Variants in LRP1B observed in about 807,000 individuals in gnomAD.
LRP1B encodes the protein LDL receptor related protein 1B.
A neutral mutation model predicts 556.6 loss-of-function variants in LRP1B; 217 were observed. The observed-to-expected ratio is 0.39, with a 90% CI of 0.35 to 0.44. The LOEUF (loss-of-function observed/expected upper bound fraction) is 0.44, where lower values mean the gene tolerates loss of function less well. Among genes scored for constraint, LRP1B ranks in the 20% least tolerant of loss-of-function variants. The pLI is 1.00. For synonymous variants in LRP1B, 2,047 were observed against 1,865.8 expected (o/e 1.10, Z -2.50); for missense variants, 5,053 against 5,620.8 (o/e 0.90, Z 3.23).
chr2:140,771,126 T>C (rs1475655305), intron 33 of LRP1B, 120 bp from the exon 34 acceptor site: 1 of 640,920 alleles, frequency 1.6e-6, no homozygotes, highest in Non-Finnish European at 2.6e-6. Flanking sequence ...AGCTGTTTCA[T>C]ACTGGTTAAA....
At chr2:140,333,787 G>A (rs1680937376) in intron 79 of LRP1B, among the ~76,000 whole-genome samples, 1 of 151,928 alleles carries the variant, frequency 6.6e-6, no homozygotes, top group African/African-American at 2.4e-5. Context: ...GTACAAGATG[G>A]GAAAGATATA....
chr2:141,102,675 A>C (rs1213636416), intron 7 of LRP1B, among the ~76,000 whole-genome samples: 1 of 152,132 alleles, frequency 6.6e-6, no homozygotes, highest in Non-Finnish European at 1.5e-5. Context: ...AGATAGAAAA[A>C]AAAGGTACAA....
In LRP1B at chr2:140,702,493, G is replaced by A. The variant is rs1443410632; in HGVS notation, c.6084C>T (p.Gly2028=). 6.2e-7 allele frequency: 1 copy of A among 1,613,498 alleles called. No individual in the cohort carries two copies. Among genetic ancestry groups the A allele is most frequent in the Non-Finnish European group, 8.5e-7 (1 of 1,179,672 alleles). The part of the protein sequence containing the change: ...MPCIGKARLD[G]SEKVVLVSMG... Reference sequence around the variant, plus strand: ...TGCTTACAAGGACAACCTTCTCTGAGCCATCCAAGCGAGCCTTTCCAATAC... The same window carrying A: ...TGCTTACAAGGACAACCTTCTCTGAACCATCCAAGCGAGCCTTTCCAATAC... Residue 2028 remains glycine (G), a synonymous_variant, in exon 38 of 91, where the codon GGC becomes GGT. Coordinates refer to ENST00000389484, the MANE Select transcript of LRP1B (RefSeq NM_018557.3).
At chr2:141,079,227 G>T (rs1699866458) in intron 7 of LRP1B, among the ~76,000 whole-genome samples, 1 of 152,102 alleles carries the variant, frequency 6.6e-6, no homozygotes, top group South Asian at 2.1e-4. Context: ...CAGTTAGAAG[G>T]TAAGAGCTCC....
intron 66 of LRP1B, among the ~76,000 whole-genome samples, chr2:140,410,239 C>A (rs1435564290): frequency 6.6e-6 from 1 of 152,018 alleles, no homozygotes; most frequent in African/African-American, 2.4e-5. Context: ...CAGCACAGAA[C>A]ATGTCCCTTA....
At chr2:141,423,825 TAAA>T (rs34237592) in intron 3 of LRP1B, among the ~76,000 whole-genome samples, 4 of 149,572 alleles carry the variant, frequency 2.7e-5, no homozygotes, top group South Asian at 2.1e-4. Context: ...CCCTGTCTAT[TAAA>T]AAAAAAAACC....
intron 18 of LRP1B, among the ~76,000 whole-genome samples, chr2:140,978,170 A>G (rs1696661796): frequency 6.6e-6 from 1 of 152,158 alleles, no homozygotes; most frequent in Admixed American, 6.6e-5. Context: ...CCCACATATA[A>G]TCTCAACCTA....
At chr2:140,767,966 A>G (rs1689174471) in intron 35 of LRP1B, among the ~76,000 whole-genome samples, 1 of 151,952 alleles carries the variant, frequency 6.6e-6, no homozygotes, top group Non-Finnish European at 1.5e-5. Context: ...CATAAGAGAC[A>G]AGGTAGATTA....
intron 3 of LRP1B, among the ~76,000 whole-genome samples, chr2:141,372,379 A>G (rs748968445): frequency 6.6e-6 from 1 of 152,082 alleles, no homozygotes; most frequent in Non-Finnish European, 1.5e-5. Context: ...GTTTCATATC[A>G]GGGTGATACT....
At chr2:141,448,040 G>A (rs913230432) in intron 3 of LRP1B, among the ~76,000 whole-genome samples, 2 of 152,222 alleles carry the variant, frequency 1.3e-5, no homozygotes, top group Non-Finnish European at 2.9e-5. Flanking sequence ...AAGGTGCTCT[G>A]TCCCAGGGAG....
intron 7 of LRP1B, among the ~76,000 whole-genome samples, chr2:141,094,990 G>A (rs1700261807): frequency 6.6e-6 from 1 of 152,152 alleles, no homozygotes; most frequent in Non-Finnish European, 1.5e-5. Flanking sequence ...AGTGAGAGGT[G>A]ACTAGGCCAA....
intron 41 of LRP1B, among the ~76,000 whole-genome samples, chr2:140,679,883 A>T (rs550562038): frequency 1.3e-5 from 2 of 152,084 alleles, no homozygotes; most frequent in African/African-American, 4.8e-5. Context: ...ACAAATTGGT[A>T]AACTTTTTAT....
At chr2:140,722,736 A>G (rs887419300) in intron 35 of LRP1B, among the ~76,000 whole-genome samples, 4 of 152,234 alleles carry the variant, frequency 2.6e-5, no homozygotes, top group African/African-American at 7.2e-5. Context: ...TAAAAGCAAG[A>G]TAAACTATTA....
chr2:141,419,133 A>G (rs763378446), intron 3 of LRP1B, among the ~76,000 whole-genome samples: 1 of 152,012 alleles, frequency 6.6e-6, no homozygotes, highest in Non-Finnish European at 1.5e-5. Context: ...GACTTTCAGT[A>G]CTGTATTTAA....
chr2:141,004,157 T>C (rs146887577), intron 15 of LRP1B, among the ~76,000 whole-genome samples: 1 of 152,182 alleles, frequency 6.6e-6, no homozygotes, highest in African/African-American at 2.4e-5. Context: ...ATACACGAAA[T>C]GTTTATTCAG....
intron 3 of LRP1B, among the ~76,000 whole-genome samples, chr2:141,342,348 T>C (rs1224729950): frequency 1.3e-5 from 2 of 151,802 alleles, no homozygotes; most frequent in African/African-American, 2.4e-5. Flanking sequence ...ACAATGGATG[T>C]CTGAATTTTC....
At chr2:140,948,941 C>T (rs1695623865) in intron 20 of LRP1B, among the ~76,000 whole-genome samples, 1 of 152,174 alleles carries the variant, frequency 6.6e-6, no homozygotes, top group Admixed American at 6.5e-5. Context: ...TAAGAAGTTA[C>T]AGTTTAAAGA....
intron 1 of LRP1B, among the ~76,000 whole-genome samples, chr2:141,817,514 AGTTT>A (rs1266382451): frequency 1.3e-5 from 2 of 152,186 alleles, no homozygotes; most frequent in African/African-American, 4.8e-5. Flanking sequence ...TATTTTTGAA[AGTTT>A]GATATAGCCA....
chr2:142,016,996 G>GTA (rs942286754), intron 1 of LRP1B, among the ~76,000 whole-genome samples: 11 of 150,356 alleles, frequency 7.3e-5, no homozygotes, highest in East Asian at 3.9e-4. Flanking sequence ...ATGTGTGTGT[G>GTA]TATATATATA....
Sources: gnomAD v4.1 joint callset for allele counts (sites outside exome capture counted in the v4.1 genomes callset) on GRCh38, gnomAD v4.1.1 for gene constraint, MANE v1.5 for transcripts, NCBI Gene and HGNC (gene_info 2026-07-23, HGNC 2026-07-21) for gene names.